The following CDH13 variants were observed in gnomAD, a reference collection of about 807,000 sequenced individuals.
CDH13 encodes cadherin-13.
In CDH13, 24 loss-of-function variants were observed where a neutral mutation model predicts 63.8. The ratio of observed to expected loss-of-function variants is 0.38; its 90% CI spans 0.27 to 0.53. The LOEUF (loss-of-function observed/expected upper bound fraction) is 0.53. Among genes scored for constraint, CDH13 ranks in the 20% least tolerant of loss-of-function variants. The pLI is 0.85. For synonymous variants in CDH13, 503 were observed against 355.3 expected, an observed-to-expected ratio of 1.42 and a Z score of -4.67; for missense variants, 1,049 against 903.1, an observed-to-expected ratio of 1.16 and a Z score of -2.07.
intron 5 of CDH13, among the ~76,000 whole-genome samples, chr16:83,317,466 C>T (rs529362160): frequency 6.6e-6 from 1 of 152,240 alleles, no homozygotes; most frequent in African/African-American, 2.4e-5. Context: ...TCTGGTTGGG[C>T]TTTCCATCCT....
At chr16:82,839,638 C>T (rs1463388574) in intron 1 of CDH13, among the ~76,000 whole-genome samples, 7 of 152,166 alleles carry the variant, frequency 4.6e-5, no homozygotes, top group South Asian at 2.1e-4. Flanking sequence ...TGACTAAATA[C>T]AGTGGCCAGA....
chr16:83,210,156 C>T (rs1455186852), intron 4 of CDH13, among the ~76,000 whole-genome samples: 1 of 151,966 alleles, frequency 6.6e-6, no homozygotes, highest in Non-Finnish European at 1.5e-5. Context: ...CCTCTGCCTC[C>T]CGGGTTCAAG....
intron 1 of CDH13, among the ~76,000 whole-genome samples, chr16:82,715,625 C>T (rs943630833): frequency 1.3e-5 from 2 of 152,064 alleles, no homozygotes; most frequent in Non-Finnish European, 2.9e-5. Context: ...GCTAATCCTT[C>T]CTCAAATACA....
chr16:83,230,354 CT>C (rs892982833), intron 5 of CDH13, among the ~76,000 whole-genome samples: 1 of 152,066 alleles, frequency 6.6e-6, no homozygotes, highest in African/African-American at 2.4e-5. Flanking sequence ...ACAGGAAGGG[CT>C]GCATGAAGTA....
chr16:83,725,226 G>A (rs1910241274), intron 10 of CDH13, among the ~76,000 whole-genome samples: 1 of 152,202 alleles, frequency 6.6e-6, no homozygotes, highest in African/African-American at 2.4e-5. Context: ...TTCAGGCAGA[G>A]GAAATGGGAT....
At chr16:83,097,717 G>T (rs1010491154) in intron 3 of CDH13, among the ~76,000 whole-genome samples, 1 of 152,214 alleles carries the variant, frequency 6.6e-6, no homozygotes, top group African/African-American at 2.4e-5. Context: ...GCAGGAAAAT[G>T]TAAAATTTGT....
chr16:83,000,220 C>CTTTTTTTTTT (rs1567731430), intron 2 of CDH13, among the ~76,000 whole-genome samples: 3 of 33,974 alleles, frequency 8.8e-5, no homozygotes, highest in Non-Finnish European at 1.2e-4. Context: ...ACAGGTTTAG[C>CTTTTTTTTTT]TTATTTTTTT....
At chr16:83,351,438 C>T (rs552802835) in intron 6 of CDH13, among the ~76,000 whole-genome samples, 143 of 152,258 alleles carry the variant, frequency 9.4e-4, no homozygotes, top group African/African-American at 3.2e-3. Context: ...GGGGTTCTCT[C>T]CTGGCATCTC....
chr16:83,337,041 C>T (rs762914165), intron 5 of CDH13, among the ~76,000 whole-genome samples: 2 of 152,122 alleles, frequency 1.3e-5, no homozygotes, highest in African/African-American at 2.4e-5. Context: ...GTTAATAGTT[C>T]GCCATGAAGC....
intron 2 of CDH13, among the ~76,000 whole-genome samples, chr16:82,998,782 T>G (rs757885336): frequency 1.3e-5 from 2 of 151,938 alleles, no homozygotes; most frequent in Non-Finnish European, 2.9e-5. Flanking sequence ...TCTTAGGGGT[T>G]TCACAGGCTC....
At chr16:82,773,138 A>C (rs1218300637) in intron 1 of CDH13, among the ~76,000 whole-genome samples, 6 of 152,216 alleles carry the variant, frequency 3.9e-5, no homozygotes, top group Admixed American at 3.9e-4. Context: ...AACAAATGAT[A>C]CAGAGGCTGA....
At chr16:83,772,484 A>G (rs1032808743) in intron 11 of CDH13, among the ~76,000 whole-genome samples, 3 of 152,196 alleles carry the variant, frequency 2.0e-5, no homozygotes, top group Admixed American at 6.5e-5. Flanking sequence ...GAAAAATCCA[A>G]TTACTTATAA....
At chr16:83,786,462 G>A (rs1433191302) in intron 13 of CDH13, among the ~76,000 whole-genome samples, 2 of 152,198 alleles carry the variant, frequency 1.3e-5, no homozygotes, top group African/African-American at 4.8e-5. Flanking sequence ...TTGGGGAATG[G>A]TAATGAATGG....
intron 5 of CDH13, among the ~76,000 whole-genome samples, chr16:83,332,043 T>C (rs2090492543): frequency 6.6e-6 from 1 of 152,184 alleles, no homozygotes; most frequent in Non-Finnish European, 1.5e-5. Context: ...ATGTAATTGA[T>C]AATATATGAG....
chr16:82,721,147 T>C (rs1164315523), intron 1 of CDH13, among the ~76,000 whole-genome samples: 2 of 152,218 alleles, frequency 1.3e-5, no homozygotes, highest in African/African-American at 2.4e-5. Context: ...CAAACATTCA[T>C]TGAGCACCTA....
At chr16:83,129,536 A>G (rs2035957500) in intron 4 of CDH13, among the ~76,000 whole-genome samples, 1 of 152,158 alleles carries the variant, frequency 6.6e-6, no homozygotes, top group Admixed American at 6.5e-5. Context: ...GTCAGGGGCT[A>G]ACTTTAACAT....
chr16:83,509,887 G>A (rs1205701174), intron 7 of CDH13, among the ~76,000 whole-genome samples: 1 of 152,164 alleles, frequency 6.6e-6, no homozygotes, highest in East Asian at 1.9e-4. Flanking sequence ...GCTCAGAGAG[G>A]GTAGATGACT....
chr16:83,660,070 A>C (rs1385499139), intron 8 of CDH13, among the ~76,000 whole-genome samples: 1 of 152,154 alleles, frequency 6.6e-6, no homozygotes, highest in African/African-American at 2.4e-5. Flanking sequence ...TACACTCAGA[A>C]GCCACCACGC....
chr16:83,361,682 G>A (rs2091165444), intron 6 of CDH13, among the ~76,000 whole-genome samples: 1 of 152,128 alleles, frequency 6.6e-6, no homozygotes, highest in Non-Finnish European at 1.5e-5. Context: ...ATTGAACAGA[G>A]AGTCCTTTTC....
Sources: allele counts gnomAD v4.1 joint callset (sites outside exome capture counted in the v4.1 genomes callset), GRCh38; gene constraint gnomAD v4.1.1; transcripts MANE v1.5; gene names NCBI Gene and HGNC (gene_info 2026-07-23, HGNC 2026-07-21).